Variants in REXO5 observed in about 807,000 individuals in gnomAD.
The protein encoded by REXO5 is RNA exonuclease 5, also known as exonuclease NEF-sp.
A neutral mutation model predicts 88.5 loss-of-function variants in REXO5; 48 were observed. That is an observed-to-expected ratio of 0.54 (90% CI 0.43 to 0.69). The LOEUF is 0.69. Among genes scored for constraint, REXO5 ranks in the 30% least tolerant of loss-of-function variants. The probability of loss-of-function intolerance (pLI) is 0.00; values close to 1 mark genes in which losing one functional copy is unlikely to be tolerated. For missense variants in REXO5, 749 were observed against 912.2 expected (o/e 0.82, Z 2.30); for synonymous variants, 311 against 336.5 (o/e 0.92, Z 0.83).
intron 4 of REXO5, 148 bp downstream of exon 4, chr16:20,815,201 G>A: frequency 1.4e-6 from 1 of 718,356 alleles, no homozygotes; most frequent in East Asian, 3.0e-5. Context: ...GCCTCATGTA[G>A]ATTTGTCTCT....
chr16:20,836,972 G>T (rs1184849210), intron 13 of REXO5, among the ~76,000 whole-genome samples: 4 of 152,140 alleles, frequency 2.6e-5, no homozygotes, highest in African/African-American at 9.7e-5. Flanking sequence ...AAATTGGATT[G>T]TTCATTTTCT....
At chr16:20,839,977 T>C in intron 14 of REXO5, 118 bp downstream of exon 14, 2 of 662,062 alleles carry the variant, frequency 3.0e-6, no homozygotes. Context: ...ATTTTTACTA[T>C]CTGCATATTA....
At chr16:20,812,301 C>T (rs565155471) in intron 2 of REXO5, among the ~76,000 whole-genome samples, 11 of 152,166 alleles carry the variant, frequency 7.2e-5, no homozygotes, top group Admixed American at 2.6e-4. Flanking sequence ...GAGAGCAGAT[C>T]GCTTGAGCTC....
At position 20,825,937 on chromosome 16, in the gene REXO5, C is replaced by G; in HGVS notation, c.810C>G (p.Asp270Glu). 1 of 1,611,534 alleles carries G rather than the reference C, an allele frequency of 6.2e-7. No homozygotes were observed. Among genetic ancestry groups the G allele is most frequent in the Non-Finnish European group, 8.5e-7 (1 of 1,178,070 alleles). The change falls in exon 8 of 20, where the codon GAC becomes GAG. Residue 270 changes from aspartate (D) to glutamate (E), a missense_variant. Physicochemically the swap from Asp to Glu is conservative, Grantham distance 45. Transcript: ENST00000261377. ...TCAAACCTGAAAACAAGATTCTGGA[C>G]TACCTCACCAGGTATTTTTCACCTT... ...ELVKPENKIL[D>E]YLTSFSGITK...
intron 13 of REXO5, 47 bp from the exon 14 acceptor site, chr16:20,839,708 T>C (rs924493562): frequency 2.3e-6 from 3 of 1,279,768 alleles, no homozygotes; most frequent in Non-Finnish European, 3.3e-6. Flanking sequence ...GGAGCCACAA[T>C]AGAGTATGAG....
chr16:20,807,050 A>C lies in REXO5; in HGVS notation c.97A>C (p.Lys33Gln). ...GCTGGTCGGGGCAGCTGAGGCGATG[A>C]AAGCCGGTTGGGATCTCGAGGAGAG... ...NKLVGAAEAM[K>Q]AGWDLEESQP... Residue 33 changes from lysine (K) to glutamine (Q), a missense_variant, in exon 2 of 20, where the codon AAA (lysine) becomes CAA (glutamine). Coordinates refer to ENST00000261377, the MANE Select transcript of REXO5 (RefSeq NM_030941.3). The C allele has an allele frequency of 6.2e-7, 1 of 1,605,028 alleles. No individual in the cohort carries two copies. Among genetic ancestry groups the C allele is most frequent in the Non-Finnish European group, 8.5e-7 (1 of 1,176,588 alleles).
chr16:20,812,296 C>T (rs566887623), intron 2 of REXO5, among the ~76,000 whole-genome samples: 175 of 152,174 alleles, frequency 1.1e-3, no homozygotes, highest in Non-Finnish European at 2.0e-3. Flanking sequence ...CTGAGGAGAG[C>T]AGATCGCTTG....
chr16:20,839,277 T>C (rs1460717971), intron 13 of REXO5, among the ~76,000 whole-genome samples: 1 of 152,208 alleles, frequency 6.6e-6, no homozygotes, highest in East Asian at 1.9e-4. Context: ...CTGAGAACTG[T>C]CAAAATCATG....
intron 5 of REXO5, 44 bp from the exon 6 acceptor site, chr16:20,821,718 C>T: frequency 1.3e-6 from 2 of 1,515,150 alleles, no homozygotes; most frequent in Middle Eastern, 1.8e-4. Context: ...TTCTAGGGTT[C>T]TTAAACACAC....
Position 20,843,995 on chromosome 16 carries a change from A to G in REXO5, c.1688A>G (p.Asp563Gly). The change falls in exon 16 of 20, where the codon GAT (aspartate) becomes GGT (glycine). Residue 563 changes from aspartate to glycine, a missense_variant. Coordinates refer to ENST00000261377, the MANE Select transcript of REXO5 (RefSeq NM_030941.3). ...EAAQLAIESLDGILVDGICIK... is the reference protein window; with the variant it reads ...EAAQLAIESLGGILVDGICIK... The stretch of plus-strand genomic sequence containing the variant: ...GCCCAGCTGGCCATAGAATCCTTGG[A>G]TGGTATTCTGGTAGATGGTATCTGC... 1 of 1,604,290 alleles carries G rather than the reference A, an allele frequency of 6.2e-7. No homozygotes were observed. The highest frequency in any genetic ancestry group is 8.5e-7 in the Non-Finnish European group (1 of 1,171,030).
At chr16:20,814,856 T>C (rs1281668553) in intron 3 of REXO5, 71 bp from the exon 4 acceptor site, 1 of 1,458,602 alleles carries the variant, frequency 6.9e-7, no homozygotes, top group Non-Finnish European at 9.1e-7. Context: ...TTCTCCCCTA[T>C]TTCCCCTCTA....
rs1596556793 is a variant in REXO5 at position 20,806,550 on chromosome 16, A to G, written c.-158A>G. ...TTGTTGTTGGCAGCTGTGGCTAAGG[A>G]GGGGAGAACCTCTGCTCCCCGCCCG... On this transcript the variant is annotated 5_prime_UTR_variant, in exon 1 of 20. Transcript: ENST00000261377. 1 of 1,513,298 alleles carries G rather than the reference A, an allele frequency of 6.6e-7. No homozygotes were observed. The highest frequency in any genetic ancestry group is 2.5e-5 in the East Asian group (1 of 40,090). 93.7% of individuals were successfully genotyped at this position (1,513,298 alleles called of 1,614,324 possible).
chr16:20,813,296 A>T lies in REXO5; in HGVS notation c.245A>T (p.Lys82Ile), dbSNP rs536231667. 2.5e-6 allele frequency: 4 copies of T among 1,604,516 alleles called. No homozygotes were observed. The highest frequency in any genetic ancestry group is 3.3e-5 in the Admixed American group (2 of 59,976). ...YAVLGKSNVP[K>I]PSWCQLFHQN... ...GTTCTGGGCAAATCCAATGTTCCAA[A>T]ACCCAGGTATGAGATGAATTTAAAT... is the stretch of plus-strand genomic sequence containing the variant. Residue 82 changes from lysine (K) to isoleucine (I), a missense_variant, in exon 3 of 20, where the codon AAA (lysine) becomes ATA (isoleucine). Physicochemically the swap from Lys to Ile is moderately radical, Grantham distance 102 (BLOSUM62 -3). Coordinates refer to ENST00000261377, the MANE Select transcript of REXO5 (RefSeq NM_030941.3).
At chr16:20,812,656 C>T (rs1221049402) in intron 2 of REXO5, among the ~76,000 whole-genome samples, 2 of 152,156 alleles carry the variant, frequency 1.3e-5, no homozygotes, top group Non-Finnish European at 2.9e-5. Context: ...CTGGCTCCTG[C>T]TTCCCTCTCC....
At position 20,828,542 on chromosome 16, in the gene REXO5, G is replaced by A; in HGVS notation, c.1158+5G>A. The A allele has an allele frequency of 6.3e-7, 1 of 1,591,184 alleles. No homozygotes were observed. Among genetic ancestry groups the A allele is most frequent in the Non-Finnish European group, 8.6e-7 (1 of 1,159,248 alleles). On this transcript the variant is annotated splice_donor_5th_base_variant and intron_variant, in intron 11 of 19. Coordinates refer to ENST00000261377, the MANE Select transcript of REXO5 (RefSeq NM_030941.3). ...CTTAAGCATGGCCCAAAAAAGGTTA[G>A]TATCTTTGCCCAGTGTGTTCACCTT...
At chr16:20,839,918 T>C (rs1212281707) in intron 14 of REXO5, 59 bp downstream of exon 14, 3 of 1,017,256 alleles carry the variant, frequency 2.9e-6, no homozygotes, top group Non-Finnish European at 4.5e-6. Flanking sequence ...CCTCTCATCA[T>C]TAAGGAAAGT....
At position 20,840,372 on chromosome 16, in the gene REXO5, G is replaced by A; in HGVS notation, c.1530G>A (p.Gly510=). 1.9e-6 allele frequency: 3 copies of A among 1,583,498 alleles called. No individual in the cohort carries two copies. The highest frequency in any genetic ancestry group is 2.6e-6 in the Non-Finnish European group (3 of 1,157,782). ...CAGAGATATCAACTGTCTATGCTGGGCCATTTAGCAAAAATTGCAATCTCA... is the reference window on the plus strand; with the variant it reads ...CAGAGATATCAACTGTCTATGCTGGACCATTTAGCAAAAATTGCAATCTCA... ...KWTEISTVYA[G]PFSKNCNLRA... is the part of the protein sequence containing the mutation. Residue 510 remains glycine, a synonymous_variant, in exon 15 of 20, where the codon GGG becomes GGA. Coordinates refer to ENST00000261377, the MANE Select transcript of REXO5 (RefSeq NM_030941.3).
At chr16:20,824,320 C>CT in intron 6 of REXO5, 119 bp from the exon 7 acceptor site, 1 of 607,396 alleles carries the variant, frequency 1.6e-6, no homozygotes, top group South Asian at 2.0e-5. Flanking sequence ...TTTCAAGTGT[C>CT]TAACATACCA....
At chr16:20,821,939 A>G in intron 6 of REXO5, 37 bp downstream of exon 6, 1 of 1,503,434 alleles carries the variant, frequency 6.7e-7, no homozygotes, top group East Asian at 2.3e-5. Context: ...CTAACAATGT[A>G]AGAATATCTA....
Sources: gnomAD v4.1 joint callset for allele counts (sites outside exome capture counted in the v4.1 genomes callset) on GRCh38, gnomAD v4.1.1 for gene constraint, MANE v1.5 for transcripts, NCBI Gene and HGNC (gene_info 2026-07-23, HGNC 2026-07-21) for gene names.